The following MYSM1 variants were observed in gnomAD, a reference collection of about 807,000 sequenced individuals.
MYSM1 encodes deubiquitinase MYSM1.
A neutral mutation model predicts 116.0 loss-of-function variants in MYSM1; 51 were observed. That is an observed-to-expected ratio of 0.44 (90% CI 0.35 to 0.56). The LOEUF is 0.56. Among genes scored for constraint, MYSM1 ranks in the 20% least tolerant of loss-of-function variants. The pLI is 0.00. For missense variants in MYSM1, 900 were observed against 974.9 expected (o/e 0.92, Z 1.02); for synonymous variants, 313 against 315.2 (o/e 0.99, Z 0.07).
Position 58,677,182 on chromosome 1 carries a change from T to C in MYSM1, c.1260-126A>G, listed in dbSNP as rs183015379. ...CCCCTTTCAATGTATAAATGTGTAA[T>C]AAATACAATACTAATACATAATACC... On this transcript the variant is annotated intron_variant, in intron 8 of 19. Transcript: ENST00000472487. The C allele has an allele frequency of 3.8e-5, 27 of 717,612 alleles. No homozygotes were observed. The East Asian group carries it at 7.3e-4, about 19-fold the overall frequency. 44.5% of individuals were successfully genotyped at this position (717,612 alleles called of 1,614,324 possible).
chr1:58,666,795 AC>A (rs1316451556), intron 16 of MYSM1, among the ~76,000 whole-genome samples: 2 of 151,358 alleles, frequency 1.3e-5, no homozygotes, highest in Non-Finnish European at 2.9e-5. Flanking sequence ...AATCACTTGA[AC>A]CTAAGAGGCA....
Position 58,659,379 on chromosome 1 carries a change from C to T in MYSM1, c.*618G>A, listed in dbSNP as rs113683968. ...TGAGAAAATGGCATATCTTATGATACTACTGCTATACAATGAAATGGAAGA... is the reference window on the plus strand; with the variant it reads ...TGAGAAAATGGCATATCTTATGATATTACTGCTATACAATGAAATGGAAGA... On this transcript the variant is annotated 3_prime_UTR_variant, in exon 20 of 20. Coordinates refer to ENST00000472487, the MANE Select transcript of MYSM1 (RefSeq NM_001085487.3). 1.3e-5 allele frequency: 2 copies of T among 152,198 alleles called. No individual in the cohort carries two copies. Among genetic ancestry groups the T allele is most frequent in the African/African-American group, 4.8e-5 (2 of 41,556 alleles). The allele number at this position is 152,198 out of a possible 1,614,324, so 9.4% of individuals were successfully genotyped here.
rs1419727173 is a variant in MYSM1, at chr1:58,654,999, A to G, written c.*4998T>C. On this transcript the variant is annotated 3_prime_UTR_variant, in exon 20 of 20. Coordinates refer to ENST00000472487, the MANE Select transcript of MYSM1 (RefSeq NM_001085487.3). ...ATTACATTTTATCACAGAACATTCC[A>G]AAATTCAAACTAATTTTTAAAAGTC... 6.6e-6 allele frequency: 1 copy of G among 152,218 alleles called. No homozygotes were observed. Among genetic ancestry groups the G allele is most frequent in the Non-Finnish European group, 1.5e-5 (1 of 68,018 alleles). The allele number at this position is 152,218 out of a possible 1,614,324, so 9.4% of individuals were successfully genotyped here.
rs1252929759 is a variant in MYSM1, at chr1:58,655,497, A to G, written c.*4500T>C. On this transcript the variant is annotated 3_prime_UTR_variant, in exon 20 of 20. Coordinates refer to ENST00000472487, the MANE Select transcript of MYSM1 (RefSeq NM_001085487.3). ...ATTTTTTCCTGATTTAGTGGAGGCA[A>G]CTATTTATTCCCTCCCTTGTTCCAG... The G allele has an allele frequency of 6.6e-6, 1 of 152,168 alleles. No individual in the cohort carries two copies. Among genetic ancestry groups the G allele is most frequent in the African/African-American group, 2.4e-5 (1 of 41,444 alleles). 9.4% of individuals were successfully genotyped at this position (152,168 alleles called of 1,614,324 possible). A position where few individuals can be genotyped will look rare whatever the true frequency, so the allele number is the denominator to read the frequency against.
chr1:58,694,953 C>T (rs1326901566), intron 2 of MYSM1, among the ~76,000 whole-genome samples, 176 bp downstream of exon 2: 1 of 150,912 alleles, frequency 6.6e-6, no homozygotes, highest in Non-Finnish European at 1.5e-5. Context: ...TTTTCAATGT[C>T]AAAAGAAAGA....
intron 11 of MYSM1, among the ~76,000 whole-genome samples, chr1:58,672,280 C>T (rs973245336): frequency 1.6e-4 from 24 of 152,040 alleles, no homozygotes; most frequent in African/African-American, 5.8e-4. Context: ...CCATATTCTA[C>T]TGTGTTGAGT....
chr1:58,676,835 A>G lies in MYSM1; in HGVS notation c.1390+91T>C, dbSNP rs1644660140. ...CACCTCTGAATTCTATATACCTATA[A>G]CTACTTGAATTCTAACCATCATAGA... On this transcript the variant is annotated intron_variant, in intron 9 of 19. Transcript: ENST00000472487. 2.9e-6 allele frequency: 4 copies of G among 1,365,208 alleles called. No homozygotes were observed. In the South Asian group the frequency reaches 5.1e-5, roughly 18 times the overall value. The allele number at this position is 1,365,208 out of a possible 1,614,324, so 84.6% of individuals were successfully genotyped here.
chr1:58,699,929 G>T, intron 1 of MYSM1, 56 bp downstream of exon 1: 2 of 1,608,888 alleles, frequency 1.2e-6, no homozygotes, highest in Non-Finnish European at 8.5e-7. Context: ...CCCAGGGCCC[G>T]CTCCTTCAAT....
In MYSM1 at chr1:58,658,519, A is replaced by T. The variant is rs1316371919; in HGVS notation, c.*1478T>A. 1 of 152,162 alleles carries T rather than the reference A, an allele frequency of 6.6e-6. No individual in the cohort carries two copies. Among genetic ancestry groups the T allele is most frequent in the East Asian group, 1.9e-4 (1 of 5,200 alleles). The allele number at this position is 152,162 out of a possible 1,614,324, so 9.4% of individuals were successfully genotyped here. On this transcript the variant is annotated 3_prime_UTR_variant, in exon 20 of 20. Coordinates refer to ENST00000472487, the MANE Select transcript of MYSM1 (RefSeq NM_001085487.3). ...AAAGTAAACTGTATCTCCCCAAATC[A>T]CAAAGTTGAGACAAGAACCAGGTCA... is the stretch of plus-strand genomic sequence containing the variant.
At chr1:58,665,181 T>A (rs545808315) in intron 17 of MYSM1, among the ~76,000 whole-genome samples, 1 of 152,318 alleles carries the variant, frequency 6.6e-6, no homozygotes, top group Non-Finnish European at 1.5e-5. Context: ...TAAAAAAATT[T>A]TCATGAGAAC....
At chr1:58,675,405 G>T in intron 10 of MYSM1, 72 bp downstream of exon 10, 1 of 1,063,500 alleles carries the variant, frequency 9.4e-7, no homozygotes. Flanking sequence ...ACAGCTCAAG[G>T]TAAGTACGTA....
intron 3 of MYSM1, among the ~76,000 whole-genome samples, chr1:58,690,966 C>T (rs1346688518): frequency 6.6e-6 from 1 of 152,140 alleles, no homozygotes; most frequent in African/African-American, 2.4e-5. Context: ...CAGAGAACTT[C>T]CCTCTTAAAG....
intron 8 of MYSM1, among the ~76,000 whole-genome samples, chr1:58,678,895 C>A (rs2100640036): frequency 6.6e-6 from 1 of 152,274 alleles, no homozygotes; most frequent in Admixed American, 6.5e-5. Flanking sequence ...ACTGCAGACT[C>A]CAATATCTCC....
chr1:58,680,026 C>CAAAAAAAAAAAAAAAAAA (rs6143231), intron 8 of MYSM1, among the ~76,000 whole-genome samples: 1 of 126,910 alleles, frequency 7.9e-6, no homozygotes, highest in Admixed American at 7.9e-5. Context: ...GACTCTGTCT[C>CAAAAAAAAAAAAAAAAAA]AAAAAAAAAA....
In MYSM1 at chr1:58,658,742, C is replaced by G. The variant is rs1035520764; in HGVS notation, c.*1255G>C. The G allele has an allele frequency of 3.3e-5, 5 of 152,104 alleles. No individual in the cohort carries two copies. The highest frequency in any genetic ancestry group is 1.2e-4 in the African/African-American group (5 of 41,420). The allele number at this position is 152,104 out of a possible 1,614,324, so 9.4% of individuals were successfully genotyped here. ...TACTGAATTTCAATAAATGAGGCAG[C>G]ATTGACTGCTTATTTTATTTTAAAA... is the stretch of plus-strand genomic sequence containing the variant. On this transcript the variant is annotated 3_prime_UTR_variant, in exon 20 of 20. Coordinates refer to ENST00000472487, the MANE Select transcript of MYSM1 (RefSeq NM_001085487.3).
rs11431098 is a variant in MYSM1, at chr1:58,662,462, C to CCT, written c.2165-952_2165-951insAG. On this transcript the variant is annotated intron_variant, in intron 17 of 19. Transcript: ENST00000472487. ...AGTAGCTGCCATTATTCACCCCCCC[C>CCT]TTTTTTTTTTTTCGATGAGGACACT... 4.8e-3 allele frequency among the ~76,000 whole-genome samples: 522 copies of CCT among 109,184 alleles called. 5 individuals carry two copies. Among genetic ancestry groups the CCT allele is most frequent in the African/African-American group, 0.015 (465 of 30,482 alleles). 71.6% of individuals were successfully genotyped at this position (109,184 alleles called of 152,430 possible).
chr1:58,679,830 C>T (rs954456746), intron 8 of MYSM1, among the ~76,000 whole-genome samples: 4 of 151,588 alleles, frequency 2.6e-5, no homozygotes, highest in African/African-American at 9.7e-5. Context: ...GAGTTCTAGA[C>T]CAGCCTGGCC....
Position 58,677,169 on chromosome 1 carries a change from T to G in MYSM1, c.1260-113A>C, listed in dbSNP as rs939377484. 2.7e-5 allele frequency: 23 copies of G among 851,544 alleles called. No homozygotes were observed. The African/African-American group carries it at 2.9e-4, about 11-fold the overall frequency. The allele number at this position is 851,544 out of a possible 1,614,324, so 52.7% of individuals were successfully genotyped here. A position where few individuals can be genotyped will look rare whatever the true frequency, so the allele number is the denominator to read the frequency against. ...CTCTAAATTTTAACCCCTTTCAATG[T>G]ATAAATGTGTAATAAATACAATACT... On this transcript the variant is annotated intron_variant, in intron 8 of 19. Coordinates refer to ENST00000472487, the MANE Select transcript of MYSM1 (RefSeq NM_001085487.3).
chr1:58,673,382 A>G (rs888785384), intron 11 of MYSM1, among the ~76,000 whole-genome samples, 191 bp downstream of exon 11: 1 of 152,062 alleles, frequency 6.6e-6, no homozygotes, highest in African/African-American at 2.4e-5. Context: ...AATGAGTTAA[A>G]CTCCTAGTTA....
Sources: allele counts gnomAD v4.1 joint callset (sites outside exome capture counted in the v4.1 genomes callset), GRCh38; gene constraint gnomAD v4.1.1; transcripts MANE v1.5; gene names NCBI Gene and HGNC (gene_info 2026-07-23, HGNC 2026-07-21).